The following SLC44A5 variants were observed in gnomAD, a reference collection of about 807,000 sequenced individuals.
The protein encoded by SLC44A5 is choline transporter-like protein 5.
Under a neutral mutation model 101.8 loss-of-function variants are expected in SLC44A5, and 57 were observed. That is an observed-to-expected ratio of 0.56 (90% CI 0.45 to 0.70). The LOEUF (loss-of-function observed/expected upper bound fraction) is 0.70, where lower values mean the gene tolerates loss of function less well. Ranked by LOEUF, SLC44A5 falls within the 30% of genes least tolerant of loss-of-function variation. SLC44A5 has a pLI of 0.00. For synonymous variants in SLC44A5, 281 were observed against 290.9 expected (o/e 0.97, Z 0.35); for missense variants, 737 against 853.1 (o/e 0.86, Z 1.70).
At chr1:75,644,603 C>T in the SLC44A5 span, among the ~76,000 whole-genome samples, 1 of 150,830 alleles carries the variant, frequency 6.6e-6, no homozygotes, top group South Asian at 2.1e-4. Context: ...CAAAAAAAAG[C>T]CTAACAAATT....
intron 2 of SLC44A5, among the ~76,000 whole-genome samples, chr1:75,420,274 C>A (rs1663920482): frequency 6.6e-6 from 1 of 152,072 alleles, no homozygotes; most frequent in Non-Finnish European, 1.5e-5. Context: ...TTGTTAACAG[C>A]AGCCCAAGTG....
intron 4 of SLC44A5, among the ~76,000 whole-genome samples, chr1:75,331,427 A>C (rs1657047274): frequency 6.6e-6 from 1 of 152,136 alleles, no homozygotes; most frequent in Non-Finnish European, 1.5e-5. Flanking sequence ...CCCATCAGTA[A>C]GTGCTGCTCC....
chr1:75,228,188 G>T (rs1260854728), intron 12 of SLC44A5, among the ~76,000 whole-genome samples: 2 of 152,110 alleles, frequency 1.3e-5, no homozygotes, highest in African/African-American at 4.8e-5. Context: ...TCCTCCTAAG[G>T]TTTATACCTA....
At chr1:75,651,405 G>C in the SLC44A5 span, among the ~76,000 whole-genome samples, 1 of 152,082 alleles carries the variant, frequency 6.6e-6, no homozygotes, top group African/African-American at 2.4e-5. Flanking sequence ...TCACCCACGA[G>C]TCCATTGTGT....
chr1:75,467,151 C>T (rs1044926223), intron 2 of SLC44A5, among the ~76,000 whole-genome samples: 10 of 151,964 alleles, frequency 6.6e-5, no homozygotes, highest in African/African-American at 2.2e-4. Context: ...ATAATGAAAA[C>T]TATGAAACAC....
At chr1:75,606,540 T>C (rs966666466) in intron 1 of SLC44A5, among the ~76,000 whole-genome samples, 2 of 152,014 alleles carry the variant, frequency 1.3e-5, no homozygotes, top group Non-Finnish European at 2.9e-5. Context: ...ACAACTCCCA[T>C]CCCCAGCCAT....
chr1:75,578,084 C>T (rs1673474163), intron 1 of SLC44A5, among the ~76,000 whole-genome samples: 1 of 152,046 alleles, frequency 6.6e-6, no homozygotes, highest in Non-Finnish European at 1.5e-5. Flanking sequence ...CTGCTAAAAA[C>T]TAGTTTTTAA....
At position 75,576,925 on chromosome 1, in the gene SLC44A5, C is replaced by A. The variant is rs76277486; in HGVS notation, c.-70+34115G>T. ...CTCACAGAGGTGTAGTGAAGATTTA[C>A]CTCTTCTTGGATGTCTAATGGGCAT... On this transcript the variant is annotated intron_variant, in intron 1 of 23. Coordinates refer to ENST00000370859, the MANE Select transcript of SLC44A5 (RefSeq NM_001130058.2). Among the ~76,000 whole-genome samples, 41 of 152,224 alleles carry A rather than the reference C, an allele frequency of 2.7e-4. No individual in the cohort carries two copies. In the East Asian group the frequency reaches 7.9e-3, roughly 30 times the overall value.
At chr1:75,583,404 A>G (rs899575713) in intron 1 of SLC44A5, among the ~76,000 whole-genome samples, 2 of 152,150 alleles carry the variant, frequency 1.3e-5, no homozygotes, top group African/African-American at 4.8e-5. Flanking sequence ...TACAATAGAC[A>G]ATGAGCTCTT....
At chr1:75,264,371 G>A (rs1177669793) in intron 6 of SLC44A5, among the ~76,000 whole-genome samples, 1 of 152,166 alleles carries the variant, frequency 6.6e-6, no homozygotes, top group African/African-American at 2.4e-5. Context: ...AGTTCCCTGA[G>A]AAAGATTATT....
chr1:75,565,881 G>C (rs1263063408), intron 1 of SLC44A5, among the ~76,000 whole-genome samples: 1 of 152,146 alleles, frequency 6.6e-6, no homozygotes, highest in Admixed American at 6.5e-5. Flanking sequence ...AGGTAATGAA[G>C]TAGCATCTGA....
At chr1:75,316,714 T>C (rs148939160) in intron 4 of SLC44A5, among the ~76,000 whole-genome samples, 122 of 152,372 alleles carry the variant, frequency 8.0e-4, no homozygotes, top group African/African-American at 2.9e-3. Context: ...GTTAGTATTC[T>C]GATTTAACAT....
chr1:75,311,219 C>T (rs980063752), intron 4 of SLC44A5, among the ~76,000 whole-genome samples: 3 of 151,858 alleles, frequency 2.0e-5, no homozygotes, highest in Admixed American at 6.6e-5. Flanking sequence ...CAGGTTCAAG[C>T]GATTCTCCTG....
intron 2 of SLC44A5, among the ~76,000 whole-genome samples, chr1:75,538,611 C>T (rs1308940267): frequency 2.6e-5 from 4 of 152,202 alleles, no homozygotes; most frequent in East Asian, 1.9e-4. Flanking sequence ...GGCTTCTTTT[C>T]GATTACAGAA....
intron 2 of SLC44A5, among the ~76,000 whole-genome samples, chr1:75,518,532 CAA>C (rs1264554833): frequency 5.3e-5 from 8 of 151,786 alleles, no homozygotes; most frequent in African/African-American, 1.9e-4. Context: ...ACTGAGTACT[CAA>C]TAGATGTTGC....
In SLC44A5 at chr1:75,238,540, C is replaced by T. The variant is rs1648330469; in HGVS notation, c.629G>A (p.Ser210Asn). 3 of 1,605,306 alleles carry T rather than the reference C, an allele frequency of 1.9e-6. No individual in the cohort carries two copies. The highest frequency in any genetic ancestry group is 2.2e-5 in the South Asian group (2 of 89,730). Residue 210 changes from serine to asparagine, a missense_variant, in exon 10 of 24, where the codon AGT becomes AAT. Around this residue, in one of 3 missense-constraint regions of SLC44A5, gnomAD observed 665 missense variants for 764.4 expected, o/e 0.87. Coordinates refer to ENST00000370859, the MANE Select transcript of SLC44A5 (RefSeq NM_001130058.2). ...TGCAGCAATCCCGAGTTCTACAACA[C>T]TTCTTGTCCCTCCATTTCCATCTTG... ...MFQDGNGGTR[S>N]VVELGIAANG...
chr1:75,543,594 A>AATAT (rs66888418), intron 1 of SLC44A5, among the ~76,000 whole-genome samples: 2 of 145,580 alleles, frequency 1.4e-5, no homozygotes, highest in African/African-American at 5.0e-5. Context: ...TATATAAATA[A>AATAT]ATATATATAT....
At chr1:75,552,577 C>T (rs947089710) in intron 1 of SLC44A5, among the ~76,000 whole-genome samples, 7 of 150,884 alleles carry the variant, frequency 4.6e-5, no homozygotes, top group African/African-American at 1.2e-4. Flanking sequence ...ATGTATCTAT[C>T]GATTGATCAA....
At chr1:75,370,531 C>T (rs1557711264) in intron 3 of SLC44A5, among the ~76,000 whole-genome samples, 1 of 152,078 alleles carries the variant, frequency 6.6e-6, no homozygotes, top group Non-Finnish European at 1.5e-5. Context: ...TATTTTGGAC[C>T]GCTCAGTGAA....
Sources: allele counts gnomAD v4.1 joint callset (sites outside exome capture counted in the v4.1 genomes callset), GRCh38; gene constraint gnomAD v4.1.1; regional missense constraint gnomAD v4.1.1; transcripts MANE v1.5; gene names NCBI Gene and HGNC (gene_info 2026-07-23, HGNC 2026-07-21).